The following ADRA1A variants were observed in gnomAD, a reference collection of about 807,000 sequenced individuals.
ADRA1A encodes the protein adrenoceptor alpha 1A.
ADRA1A carries 31 observed loss-of-function variants against 29.6 expected under a neutral mutation model. That is an observed-to-expected ratio of 1.05 (90% CI 0.79 to 1.41). ADRA1A has a LOEUF of 1.41. Among genes scored for constraint, ADRA1A ranks in the 40% most tolerant of loss-of-function variants. ADRA1A has a pLI of 0.00. For missense variants in ADRA1A, 619 were observed against 601.1 expected (o/e 1.03, Z -0.31); for synonymous variants, 311 against 254.3 (o/e 1.22, Z -2.12).
downstream of ADRA1A, chr8:26,756,319 A>G: frequency 1.5e-6 from 1 of 661,400 alleles, no homozygotes; most frequent in Non-Finnish European, 2.2e-6. Flanking sequence ...TCTCTTAAGA[A>G]TATTTTAACC....
chr8:26,842,861 C>G (rs1032047042), intron 2 of ADRA1A, among the ~76,000 whole-genome samples: 1 of 122,488 alleles, frequency 8.2e-6, no homozygotes, highest in Admixed American at 8.4e-5. Flanking sequence ...CCCTCTCTCT[C>G]TTTCTACACA....
rs575404432 is a variant in ADRA1A at position 26,787,646 on chromosome 8, A to G, written c.884-16980T>C. 7.2e-5 allele frequency among the ~76,000 whole-genome samples: 11 copies of G among 152,036 alleles called. No homozygotes were observed. Among genetic ancestry groups the G allele is most frequent in the South Asian group, 2.1e-4 (1 of 4,786 alleles). ...ACCATCTCGTGTGCTGCATAAAAATATCAATGCCTGACACAGACTTCTTAG... is the reference window on the plus strand; with the variant it reads ...ACCATCTCGTGTGCTGCATAAAAATGTCAATGCCTGACACAGACTTCTTAG... On this transcript the variant is annotated intron_variant, in intron 2 of 2. Transcript: ENST00000380573. The surrounding 1 kb of genome is among the most constrained non-coding windows in gnomAD (Gnocchi z 4.2).
chr8:26,762,156 G>A (rs766752795), downstream of ADRA1A, among the ~76,000 whole-genome samples: 26 of 152,050 alleles, frequency 1.7e-4, no homozygotes, highest in Non-Finnish European at 2.6e-4. The surrounding 1 kb of genome is among the most constrained non-coding windows in gnomAD (Gnocchi z 4.0). Context: ...AGAGACTTTC[G>A]AACCATCAGA....
exon 3 of ADRA1A, chr8:26,756,666 A>G (rs763515188): frequency 1.9e-6 from 3 of 1,610,122 alleles, no homozygotes; most frequent in South Asian, 2.2e-5. Flanking sequence ...CCTGGGGTGG[A>G]TTCCAAAGAC....
chr8:26,779,763 C>T (rs566661978), intron 2 of ADRA1A, among the ~76,000 whole-genome samples: 1 of 152,278 alleles, frequency 6.6e-6, no homozygotes, highest in South Asian at 2.1e-4. Flanking sequence ...ATTCTGATTG[C>T]ATGAAGCGGG....
At position 26,865,017 on chromosome 8, in the gene ADRA1A, C is replaced by A. The variant is rs112346960; in HGVS notation, c.-48G>T. On this transcript the variant is annotated 5_prime_UTR_variant, in exon 2 of 3. Coordinates refer to ENST00000380573, the MANE Select transcript of ADRA1A (RefSeq NM_000680.4). This position sits in a 1 kb window ranked among gnomAD's most constrained non-coding sequence, Gnocchi z 7.6. ...GGTCCGGCTGTCCAGGGCCACCTCC[C>A]GGGCTGGCGCGGAGGCGGGAGCGCG... 22 of 1,528,540 alleles carry A rather than the reference C, an allele frequency of 1.4e-5. No homozygotes were observed. Among genetic ancestry groups the A allele is most frequent in the Admixed American group, 2.0e-5 (1 of 49,340 alleles). 94.7% of individuals were successfully genotyped at this position (1,528,540 alleles called of 1,614,324 possible).
exon 3 of ADRA1A, chr8:26,756,695 T>A: frequency 1.2e-6 from 2 of 1,613,672 alleles, no homozygotes; most frequent in Non-Finnish European, 1.7e-6. Flanking sequence ...GCAGGACCAG[T>A]GGTGGGTTTC....
intron 2 of ADRA1A, among the ~76,000 whole-genome samples, chr8:26,832,665 T>C (rs1370897140): frequency 1.3e-5 from 2 of 152,106 alleles, no homozygotes; most frequent in Non-Finnish European, 2.9e-5. Context: ...TTCAAGCAGA[T>C]TGTCTAGGGC....
chr8:26,849,715 T>C (rs1442355608), intron 2 of ADRA1A, among the ~76,000 whole-genome samples: 2 of 152,210 alleles, frequency 1.3e-5, no homozygotes, highest in Non-Finnish European at 2.9e-5. Context: ...ACTGTTCCTA[T>C]GAAAAGCTTC....
At chr8:26,778,876 T>C (rs578231966) in intron 2 of ADRA1A, among the ~76,000 whole-genome samples, 32 of 151,924 alleles carry the variant, frequency 2.1e-4, no homozygotes, top group Middle Eastern at 3.4e-3. Flanking sequence ...CACACCAACA[T>C]GGCACATGTA....
At position 26,825,812 on chromosome 8, in the gene ADRA1A, T is replaced by C. The variant is rs548639593; in HGVS notation, c.883+38275A>G. 2.6e-5 allele frequency among the ~76,000 whole-genome samples: 4 copies of C among 152,358 alleles called. No individual in the cohort carries two copies. The highest frequency in any genetic ancestry group is 6.5e-5 in the Admixed American group (1 of 15,306). ...TTCTGGTTCGATACTAGGCACAGTG[T>C]TGATTGCCTGTTTGATACCTGCTTA... is the stretch of plus-strand genomic sequence containing the variant. On this transcript the variant is annotated intron_variant, in intron 2 of 2. Coordinates refer to ENST00000380573, the MANE Select transcript of ADRA1A (RefSeq NM_000680.4). The surrounding 1 kb of genome is among the most constrained non-coding windows in gnomAD (Gnocchi z 5.7).
chr8:26,757,329 G>A (rs896778278), intron 2 of ADRA1A, among the ~76,000 whole-genome samples: 23 of 152,310 alleles, frequency 1.5e-4, no homozygotes, highest in Admixed American at 2.6e-4. Context: ...GGTGAGCTGA[G>A]CTTGCAGTGT....
chr8:26,790,074 A>G (rs116207595), intron 2 of ADRA1A, among the ~76,000 whole-genome samples: 3,141 of 152,288 alleles, frequency 0.021, 100 homozygotes, highest in African/African-American at 0.069. Context: ...ATACAAGTAG[A>G]ACTACCATGA....
downstream of ADRA1A, among the ~76,000 whole-genome samples, chr8:26,751,507 C>T (rs746592246): frequency 1.3e-5 from 2 of 152,122 alleles, no homozygotes; most frequent in African/African-American, 2.4e-5. Context: ...AGTAAAGGAA[C>T]AGAGTTAACC....
Position 26,805,262 on chromosome 8 carries a change from C to A in ADRA1A, c.884-34596G>T, listed in dbSNP as rs1358408038. Among the ~76,000 whole-genome samples the A allele has an allele frequency of 1.3e-5, 2 of 152,184 alleles. No individual in the cohort carries two copies. Among genetic ancestry groups the A allele is most frequent in the East Asian group, 3.8e-4 (2 of 5,204 alleles). ...GTCCACTCTCAATTTACACCTATTG[C>A]CTCAGTATGGTTATTAATTGTGCTT... On this transcript the variant is annotated intron_variant, in intron 2 of 2. Transcript: ENST00000380573. This position sits in a 1 kb window ranked among gnomAD's most constrained non-coding sequence, Gnocchi z 4.8.
intron 2 of ADRA1A, among the ~76,000 whole-genome samples, chr8:26,783,394 T>A (rs370718567): frequency 1.9e-3 from 285 of 152,288 alleles, no homozygotes; most frequent in Non-Finnish European, 3.1e-3. Flanking sequence ...CGATGTGGCA[T>A]CTTTTGTTCA....
Position 26,758,208 on chromosome 8 carries a change from C to T in ADRA1A, c.1270-1429G>A, listed in dbSNP as rs573552436. The stretch of plus-strand genomic sequence containing the variant: ...GAATGTAGGAATGACAGGACCTGAG[C>T]CGCGGTGCAGCAGGTAGTTTGTGAC... On this transcript the variant is annotated intron_variant, in intron 2 of 2. Transcript: ENST00000380582. Among the ~76,000 whole-genome samples the T allele has an allele frequency of 2.0e-5, 3 of 152,280 alleles. No individual in the cohort carries two copies. In the East Asian group the frequency reaches 5.8e-4, roughly 29 times the overall value.
rs200422473 is a variant in ADRA1A at position 26,864,324 on chromosome 8, G to C, written c.646C>G (p.Arg216Gly). The C allele has an allele frequency of 7.3e-5, 118 of 1,614,022 alleles. 1 individual carries two copies. The East Asian group carries it at 1.6e-3, about 22-fold the overall frequency. Residue 216 changes from arginine to glycine, a missense_variant, in exon 2 of 3, where the codon CGG (arginine) becomes GGG (glycine). Arg to Gly is a moderately radical substitution (Grantham distance 125). Coordinates refer to ENST00000380573, the MANE Select transcript of ADRA1A (RefSeq NM_000680.4). The surrounding 1 kb of genome is among the most constrained non-coding windows in gnomAD (Gnocchi z 8.1). ...RVYVVAKRES[R>G]GLKSGLKTDK... ...GTCTTGAGGCCAGACTTGAGGCCCC[G>C]GCTCTCCCTCTTGGCCACCACGTAG...
chr8:26,850,025 C>CAAAAAAAAAAAACCAAAAAACA (rs141672591), intron 2 of ADRA1A, among the ~76,000 whole-genome samples: 2 of 121,558 alleles, frequency 1.6e-5, no homozygotes, highest in Non-Finnish European at 3.4e-5. Flanking sequence ...GAGAGAAATG[C>CAAAAAAAAAAAACCAAAAAACA]AAAAACAAAA....
Sources: gnomAD v4.1 joint callset for allele counts (sites outside exome capture counted in the v4.1 genomes callset) on GRCh38, gnomAD v4.1.1 for gene constraint, Gnocchi (gnomAD v3.1) non-coding constraint, MANE v1.5 for transcripts, NCBI Gene and HGNC (gene_info 2026-07-23, HGNC 2026-07-21) for gene names.